The following ERG variants were observed in gnomAD, a reference collection of about 807,000 sequenced individuals.
ERG encodes transcriptional regulator ERG.
Under a neutral mutation model 55.3 loss-of-function variants are expected in ERG, and 9 were observed. The ratio of observed to expected loss-of-function variants is 0.16; its 90% CI spans 0.10 to 0.28. ERG has a LOEUF of 0.28. ERG is among the 10% of genes least tolerant of loss of function. The pLI, the probability that ERG is intolerant of heterozygous loss-of-function variation, is 1.00. For missense variants in ERG, 434 were observed against 631.6 expected (o/e 0.69, Z 3.35); for synonymous variants, 223 against 237.3 (o/e 0.94, Z 0.55).
intron 1 of ERG, among the ~76,000 whole-genome samples, chr21:38,655,190 A>G (rs985723895): frequency 6.6e-6 from 1 of 152,128 alleles, no homozygotes; most frequent in African/African-American, 2.4e-5. Context: ...GCTGAGGTCT[A>G]AAGTTTCCCC....
Position 38,460,226 on chromosome 21 carries a change from C to T in ERG, c.19-14605G>A, listed in dbSNP as rs553958098. Among the ~76,000 whole-genome samples, 114 of 152,082 alleles carry T rather than the reference C, an allele frequency of 7.5e-4. No individual in the cohort carries two copies. Among genetic ancestry groups the T allele is most frequent in the East Asian group, 1.9e-3 (10 of 5,168 alleles). ...GGGAGGAGGGGTTACTGGAAAGGAG[C>T]GAAAGAAAGAACCAGGAGGTGAACC... On this transcript the variant is annotated intron_variant, in intron 1 of 9. Transcript: ENST00000288319. This position sits in a 1 kb window ranked among gnomAD's most constrained non-coding sequence, Gnocchi z 5.0.
chr21:38,405,211 A>G (rs772473149), intron 3 of ERG, among the ~76,000 whole-genome samples: 8 of 152,210 alleles, frequency 5.3e-5, no homozygotes, highest in Non-Finnish European at 1.5e-5. Context: ...TTTAAACTAC[A>G]TATATTGTTT....
intron 1 of ERG, among the ~76,000 whole-genome samples, chr21:38,605,423 C>T (rs570747607): frequency 2.6e-5 from 4 of 152,226 alleles, no homozygotes; most frequent in South Asian, 2.1e-4. Context: ...ATTACAAGCA[C>T]GTTGAAATGC....
chr21:38,616,622 A>AACTGG (rs955444925), intron 1 of ERG, among the ~76,000 whole-genome samples: 5 of 151,898 alleles, frequency 3.3e-5, no homozygotes, highest in African/African-American at 1.2e-4. Context: ...GACTGGACTG[A>AACTGG]ACTGGACTGG....
At chr21:38,447,085 T>C (rs1328116935) in intron 1 of ERG, among the ~76,000 whole-genome samples, 2 of 151,956 alleles carry the variant, frequency 1.3e-5, no homozygotes, top group Non-Finnish European at 2.9e-5. Flanking sequence ...TCAGAATTTT[T>C]AGGAAACAAT....
At chr21:38,510,664 G>A (rs937772584) in intron 2 of ERG, among the ~76,000 whole-genome samples, 3 of 152,080 alleles carry the variant, frequency 2.0e-5, no homozygotes, top group Non-Finnish European at 4.4e-5. Flanking sequence ...AAGTATCAGC[G>A]GCTACCTCGT....
chr21:38,524,982 A>G (rs1245955793), intron 2 of ERG, among the ~76,000 whole-genome samples: 1 of 152,210 alleles, frequency 6.6e-6, no homozygotes, highest in Non-Finnish European at 1.5e-5. Context: ...AATTCCAAAC[A>G]AAGAGACCAA....
chr21:38,430,417 G>A (rs188756521), intron 2 of ERG, among the ~76,000 whole-genome samples: 2 of 152,296 alleles, frequency 1.3e-5, no homozygotes, highest in East Asian at 3.9e-4. Context: ...GTTTAACTAA[G>A]TCCCATCTAT....
At position 38,423,538 on chromosome 21, in the gene ERG, A is replaced by C. The variant is rs768577569; in HGVS notation, c.260T>G (p.Val87Gly). The C allele has an allele frequency of 1.4e-5, 22 of 1,613,804 alleles. No individual in the cohort carries two copies. The Admixed American group carries it at 3.3e-4, about 24-fold the overall frequency. Residue 87 changes from valine (V) to glycine (G), a missense_variant, in exon 3 of 10, where the codon GTG becomes GGG. This residue lies in a region of ERG where 212 missense variants were observed against 262.9 expected (regional missense o/e 0.81). Coordinates refer to ENST00000288319, the MANE Select transcript of ERG (RefSeq NM_182918.4). ...GCCCACCATCTTCCCGCCTTTGGCCACACTGCATTCATCAGGAGAGTTCCT... is the reference window on the plus strand; with the variant it reads ...GCCCACCATCTTCCCGCCTTTGGCCCCACTGCATTCATCAGGAGAGTTCCT... ...GSRNSPDECS[V>G]AKGGKMVGSP...
chr21:38,378,787 G>T (rs1480015758), downstream of ERG, among the ~76,000 whole-genome samples: 1 of 152,106 alleles, frequency 6.6e-6, no homozygotes, highest in South Asian at 2.1e-4. Flanking sequence ...TCACCTTCCC[G>T]TTTAATTTTC....
chr21:38,377,098 T>A (rs980892683), downstream of ERG, among the ~76,000 whole-genome samples: 1 of 152,272 alleles, frequency 6.6e-6, no homozygotes, highest in Admixed American at 6.5e-5. Context: ...TAGAGTGATT[T>A]ATAACATAGT....
chr21:38,488,232 C>T (rs1450040332), intron 1 of ERG, among the ~76,000 whole-genome samples: 1 of 152,090 alleles, frequency 6.6e-6, no homozygotes, highest in Non-Finnish European at 1.5e-5. Flanking sequence ...GGGTACCCTT[C>T]AACATGAGGT....
At chr21:38,570,260 C>T (rs761325804) in intron 2 of ERG, among the ~76,000 whole-genome samples, 1 of 152,198 alleles carries the variant, frequency 6.6e-6, no homozygotes, top group Non-Finnish European at 1.5e-5. Context: ...CCAACCACTT[C>T]TCAAAGCAAC....
intron 1 of ERG, among the ~76,000 whole-genome samples, chr21:38,582,426 C>T (rs138643652): frequency 7.9e-5 from 12 of 152,178 alleles, no homozygotes; most frequent in South Asian, 4.2e-4. Context: ...TTGGTACTGG[C>T]GAAGACATGA....
At chr21:38,449,677 T>C (rs2058922915) in intron 1 of ERG, among the ~76,000 whole-genome samples, 1 of 152,246 alleles carries the variant, frequency 6.6e-6, no homozygotes. Context: ...TGCCTTTCTA[T>C]AACAGATGAA....
At chr21:38,474,796 A>G (rs1362726548) in intron 1 of ERG, among the ~76,000 whole-genome samples, 1 of 151,888 alleles carries the variant, frequency 6.6e-6, no homozygotes. Context: ...CCTTTAGCCT[A>G]CAAAAATGTC....
chr21:38,392,584 ATTTGAGT>A (rs1012568589), intron 6 of ERG, 140 bp from the exon 7 acceptor site: 2 of 588,024 alleles, frequency 3.4e-6, no homozygotes, highest in Non-Finnish European at 5.6e-6. Flanking sequence ...ATCCCACTAG[ATTTGAGT>A]TTTATTTACA....
intron 2 of ERG, among the ~76,000 whole-genome samples, chr21:38,521,512 A>G (rs1289039232): frequency 6.6e-6 from 1 of 152,180 alleles, no homozygotes; most frequent in Non-Finnish European, 1.5e-5. Context: ...AGAGAGAAGC[A>G]TAGAGCTTAA....
At chr21:38,459,718 G>A (rs2059023497) in intron 1 of ERG, among the ~76,000 whole-genome samples, 1 of 152,062 alleles carries the variant, frequency 6.6e-6, no homozygotes, top group Non-Finnish European at 1.5e-5. Flanking sequence ...TATCTTCCAG[G>A]AATAAGAATA....
Sources: allele counts gnomAD v4.1 joint callset (sites outside exome capture counted in the v4.1 genomes callset), GRCh38; gene constraint gnomAD v4.1.1; regional missense constraint gnomAD v4.1.1; non-coding constraint Gnocchi (gnomAD v3.1); transcripts MANE v1.5; gene names NCBI Gene and HGNC (gene_info 2026-07-23, HGNC 2026-07-21).